Variants in EBF1 observed in about 807,000 individuals in gnomAD.
The protein encoded by EBF1 is transcription factor COE1.
A neutral mutation model predicts 68.4 loss-of-function variants in EBF1; 10 were observed. That is an observed-to-expected ratio of 0.15 (90% confidence interval 0.09 to 0.25). The LOEUF is 0.25. Ranked by LOEUF, EBF1 falls within the 10% of genes least tolerant of loss-of-function variation. The pLI is 1.00. For missense variants in EBF1, 509 were observed against 794.4 expected, an observed-to-expected ratio of 0.64 and a Z score of 4.32; for synonymous variants, 298 against 299.8, an observed-to-expected ratio of 0.99 and a Z score of 0.06.
At chr5:158,731,686 G>A (rs975468008) in intron 10 of EBF1, among the ~76,000 whole-genome samples, 36 of 152,188 alleles carry the variant, frequency 2.4e-4, no homozygotes, top group African/African-American at 7.7e-4. Context: ...TGGAAAGCCA[G>A]TGCCACCCTT....
At chr5:158,949,989 T>C (rs1815632543) in intron 6 of EBF1, among the ~76,000 whole-genome samples, 1 of 152,238 alleles carries the variant, frequency 6.6e-6, no homozygotes, top group Admixed American at 6.5e-5. Context: ...CAGGTTCACG[T>C]TGTATCACTT....
At chr5:158,742,942 T>C (rs1350468744) in intron 10 of EBF1, among the ~76,000 whole-genome samples, 2 of 152,190 alleles carry the variant, frequency 1.3e-5, no homozygotes, top group Admixed American at 1.3e-4. Context: ...ATTGCAGGCT[T>C]GCTGTATACA....
At chr5:158,887,919 G>A (rs1340321142) in intron 6 of EBF1, among the ~76,000 whole-genome samples, 1 of 152,196 alleles carries the variant, frequency 6.6e-6, no homozygotes, top group Admixed American at 6.5e-5. Flanking sequence ...GGTTTAAGGT[G>A]AAGAATGATT....
intron 10 of EBF1, among the ~76,000 whole-genome samples, chr5:158,754,991 G>A (rs1769739297): frequency 6.6e-6 from 1 of 152,050 alleles, no homozygotes; most frequent in Non-Finnish European, 1.5e-5. Context: ...GAGAGGTCGG[G>A]GAGATAAGGT....
intron 6 of EBF1, among the ~76,000 whole-genome samples, chr5:158,907,833 C>G (rs991550793): frequency 1.3e-5 from 2 of 151,970 alleles, no homozygotes; most frequent in Admixed American, 6.6e-5. Context: ...AGTGTTCTCT[C>G]TTTTGTTCTC....
chr5:158,921,626 G>A (rs190580285), intron 6 of EBF1, among the ~76,000 whole-genome samples: 77 of 152,268 alleles, frequency 5.1e-4, no homozygotes, highest in Non-Finnish European at 7.5e-4. Context: ...CTGTGTTAGC[G>A]TGCATTAATT....
intron 10 of EBF1, among the ~76,000 whole-genome samples, chr5:158,755,366 AGATTTCTACCAGAGCATTTTGTCACTTT>A (rs1214536772): frequency 1.3e-5 from 2 of 152,062 alleles, no homozygotes; most frequent in African/African-American, 2.4e-5. Context: ...CCATTTACCC[AGATTTCTACCAGAGCATTTTGTCACTTT>A]GATTTGCATC....
intron 7 of EBF1, among the ~76,000 whole-genome samples, chr5:158,833,392 G>T (rs1173695971): frequency 6.6e-6 from 1 of 151,926 alleles, no homozygotes; most frequent in Non-Finnish European, 1.5e-5. Flanking sequence ...CTTTATAGCA[G>T]CAGTTACAAT....
intron 4 of EBF1, 44 bp from the exon 5 acceptor site, chr5:159,084,783 G>T: frequency 7.0e-7 from 1 of 1,420,122 alleles, no homozygotes; most frequent in Non-Finnish European, 9.5e-7. Flanking sequence ...GAAAGGAGTA[G>T]CAGAAAAAAA....
At chr5:158,960,618 A>C (rs895042028) in intron 6 of EBF1, among the ~76,000 whole-genome samples, 6 of 152,366 alleles carry the variant, frequency 3.9e-5, no homozygotes, top group African/African-American at 1.2e-4. Context: ...ATATATCCAC[A>C]AATTCTTCAA....
chr5:159,043,733 G>T (rs1198898380), intron 6 of EBF1, among the ~76,000 whole-genome samples: 1 of 152,166 alleles, frequency 6.6e-6, no homozygotes, highest in Admixed American at 6.5e-5. Context: ...AGGTCTTAAT[G>T]GTAGCAACAA....
At chr5:158,832,864 A>G (rs1268049118) in intron 7 of EBF1, among the ~76,000 whole-genome samples, 1 of 152,146 alleles carries the variant, frequency 6.6e-6, no homozygotes, top group Non-Finnish European at 1.5e-5. Flanking sequence ...TAAAAAGCAA[A>G]ACACATTTTT....
chr5:158,864,013 C>T (rs892031836), intron 6 of EBF1, among the ~76,000 whole-genome samples: 1 of 151,860 alleles, frequency 6.6e-6, no homozygotes, highest in Non-Finnish European at 1.5e-5. Context: ...AGGTGGATTA[C>T]CTGAGGTCAG....
chr5:159,044,595 G>A (rs2127787727), intron 6 of EBF1, among the ~76,000 whole-genome samples: 1 of 152,220 alleles, frequency 6.6e-6, no homozygotes, highest in South Asian at 2.1e-4. Context: ...TACATGTGGA[G>A]TATGTACATT....
At chr5:158,955,708 T>C (rs1273650192) in intron 6 of EBF1, among the ~76,000 whole-genome samples, 4 of 152,232 alleles carry the variant, frequency 2.6e-5, no homozygotes, top group Non-Finnish European at 5.9e-5. Flanking sequence ...ATTTCTGATC[T>C]AAAATGATCT....
At chr5:158,762,754 C>T (rs1771759343) in intron 10 of EBF1, among the ~76,000 whole-genome samples, 1 of 152,148 alleles carries the variant, frequency 6.6e-6, no homozygotes, top group African/African-American at 2.4e-5. Flanking sequence ...CCAGGATGGT[C>T]TCGATCTCCT....
At chr5:159,051,390 C>G (rs1392234439) in intron 6 of EBF1, among the ~76,000 whole-genome samples, 1 of 132,750 alleles carries the variant, frequency 7.5e-6, no homozygotes, top group Non-Finnish European at 1.6e-5. Context: ...CTAGGCCCCG[C>G]CTCGGGCCGC....
intron 15 of EBF1, among the ~76,000 whole-genome samples, chr5:158,704,752 C>T (rs1757504065): frequency 6.6e-6 from 1 of 152,106 alleles, no homozygotes; most frequent in African/African-American, 2.4e-5. Context: ...CTGGTGCCCA[C>T]CTAAGGCTGG....
chr5:159,054,422 A>G (rs991944969), intron 6 of EBF1, among the ~76,000 whole-genome samples: 2 of 152,198 alleles, frequency 1.3e-5, no homozygotes, highest in Non-Finnish European at 2.9e-5. Context: ...AAATAGAGAG[A>G]GAGATCTGGT....
Sources: allele counts gnomAD v4.1 joint callset (sites outside exome capture counted in the v4.1 genomes callset), GRCh38; gene constraint gnomAD v4.1.1; transcripts MANE v1.5; gene names NCBI Gene and HGNC (gene_info 2026-07-23, HGNC 2026-07-21).